Variants in RNASET2 observed in about 807,000 individuals in gnomAD.
The protein encoded by RNASET2 is ribonuclease T2, also known as ribonuclease 6.
RNASET2 carries 28 observed loss-of-function variants against 33.9 expected under a neutral mutation model. The observed-to-expected ratio is 0.83, with a 90% CI of 0.61 to 1.13. The LOEUF (loss-of-function observed/expected upper bound fraction) is 1.13. RNASET2 is among the 50% of genes most tolerant of loss of function. The pLI, the probability that RNASET2 is intolerant of heterozygous loss-of-function variation, is 0.00. For missense variants in RNASET2, 330 were observed against 319.9 expected (o/e 1.03, Z -0.24); for synonymous variants, 123 against 121.0 (o/e 1.02, Z -0.11).
intron 2 of RNASET2, among the ~76,000 whole-genome samples, chr6:166,951,645 G>A (rs528509978): frequency 1.1e-3 from 162 of 152,310 alleles, no homozygotes; most frequent in Non-Finnish European, 1.7e-3. Flanking sequence ...TGTATGGCCT[G>A]GTTTTTCCTA....
chr6:166,929,911 G>A, intron 8 of RNASET2, 120 bp from the exon 9 acceptor site: 3 of 944,990 alleles, frequency 3.2e-6, no homozygotes, highest in Non-Finnish European at 5.0e-6. Context: ...CACACCACAG[G>A]TTCTAGGTTC....
chr6:166,955,949 C>A (rs933495617), intron 1 of RNASET2, 148 bp downstream of exon 1: 27 of 1,078,010 alleles, frequency 2.5e-5, no homozygotes, highest in Non-Finnish European at 3.4e-5. Context: ...CCAGGGGTCA[C>A]CCCGGAGCGT....
rs904654789 is a variant in RNASET2 at position 166,924,558 on chromosome 6, T to C, written c.*5030A>G. 6.6e-6 allele frequency among the ~76,000 whole-genome samples: 1 copy of C among 152,186 alleles called. No homozygotes were observed. The highest frequency in any genetic ancestry group is 6.5e-5 in the Admixed American group (1 of 15,286). ...GTGGCCATTAGGGCCCACAGATCCT[T>C]CCCTGCAGTTGCTGTCTCCCTTTCT... is the stretch of plus-strand genomic sequence containing the variant. On this transcript the variant is annotated 3_prime_UTR_variant, in exon 9 of 9. Coordinates refer to ENST00000508775, the MANE Select transcript of RNASET2 (RefSeq NM_003730.6).
At chr6:166,938,698 GTGA>G in intron 6 of RNASET2, 194 bp downstream of exon 6, 1 of 766,276 alleles carries the variant, frequency 1.3e-6, no homozygotes, top group Non-Finnish European at 2.4e-6. Flanking sequence ...CTGTGTGATC[GTGA>G]TGTAGAATGA....
chr6:166,936,377 C>T (rs1374118035), intron 6 of RNASET2, among the ~76,000 whole-genome samples: 2 of 148,708 alleles, frequency 1.3e-5, no homozygotes, highest in African/African-American at 5.1e-5. Context: ...GTGTGTGTCT[C>T]AGTCTGTCTA....
rs370517169 is a variant in RNASET2 at position 166,943,007 on chromosome 6, G to C, written c.332+12C>G. The C allele has an allele frequency of 6.2e-7, 1 of 1,611,134 alleles. No individual in the cohort carries two copies. The highest frequency in any genetic ancestry group is 8.5e-7 in the Non-Finnish European group (1 of 1,177,532). On this transcript the variant is annotated intron_variant, in intron 5 of 8. Transcript: ENST00000508775. ...ACAGTAATCAAGACAGCAATCAGAG[G>C]CTGGGACTTACCAGAAGCGGCTGCG...
At chr6:166,930,108 A>G (rs917517798) in intron 8 of RNASET2, among the ~76,000 whole-genome samples, 3 of 152,258 alleles carry the variant, frequency 2.0e-5, no homozygotes, top group African/African-American at 7.2e-5. Context: ...TAACAAAGTT[A>G]CACACAGATA....
chr6:166,956,183 G>A lies in RNASET2; in HGVS notation c.-1C>T, dbSNP rs1333136662. 8 of 1,547,530 alleles carry A rather than the reference G, an allele frequency of 5.2e-6. No individual in the cohort carries two copies. Among genetic ancestry groups the A allele is most frequent in the Non-Finnish European group, 6.1e-6 (7 of 1,145,552 alleles). On this transcript the variant is annotated 5_prime_UTR_variant, in exon 1 of 9. Transcript: ENST00000508775. The stretch of plus-strand genomic sequence containing the variant: ...CCCCGCGCAGGGCTGCAGGGCGCAT[G>A]GTGCCGACCTGCGGAGAGAACGCTG...
Position 166,946,686 on chromosome 6 carries a change from AT to A in RNASET2, c.256del (p.Ile86LeufsTer8). Reference protein sequence around the residue: ...NRSWPFNLEEIKDLLPEMRAY... With the variant: ...NRSWPFNLEEXKDLLPEMRAY... ...AATATAATTAAAAGTCAATACCTTA[AT>A]CTCTTCTAAATTGAAGGGCCACGAT... On this transcript the variant is annotated frameshift_variant, in exon 4 of 9. Transcript: ENST00000508775. LOFTEE classifies it high-confidence loss of function. The A allele has an allele frequency of 6.6e-7, 1 of 1,525,244 alleles. No individual in the cohort carries two copies. The highest frequency in any genetic ancestry group is 9.0e-7 in the Non-Finnish European group (1 of 1,110,432). 94.5% of individuals were successfully genotyped at this position (1,525,244 alleles called of 1,614,324 possible). A position where few individuals can be genotyped will look rare whatever the true frequency, so the allele number is the denominator to read the frequency against.
rs1778253477 is a variant in RNASET2 at position 166,922,848 on chromosome 6, G to C, written c.*6740C>G. ...GGTCATCAAGACAGAAGAGCAGATG[G>C]TGACAGGTACCAACCACCAAAGCTG... On this transcript the variant is annotated 3_prime_UTR_variant, in exon 9 of 9. Coordinates refer to ENST00000508775, the MANE Select transcript of RNASET2 (RefSeq NM_003730.6). Among the ~76,000 whole-genome samples, 1 of 152,144 alleles carries C rather than the reference G, an allele frequency of 6.6e-6. No individual in the cohort carries two copies. Among genetic ancestry groups the C allele is most frequent in the Admixed American group, 6.5e-5 (1 of 15,272 alleles).
At chr6:166,955,407 A>T in intron 1 of RNASET2, 1 of 665,346 alleles carries the variant, frequency 1.5e-6, no homozygotes. Flanking sequence ...GCACACACAC[A>T]CGCGCACACA....
At chr6:166,937,264 G>A (rs1204567730) in intron 6 of RNASET2, among the ~76,000 whole-genome samples, 2 of 152,118 alleles carry the variant, frequency 1.3e-5, no homozygotes, top group African/African-American at 4.8e-5. Context: ...AGCCTCCCGA[G>A]TAGCTGGAAT....
rs1303590955 is a variant in RNASET2, at chr6:166,933,176, T to C, written c.492+915A>G. 6.6e-6 allele frequency: 1 copy of C among 152,334 alleles called. No homozygotes were observed. The highest frequency in any genetic ancestry group is 2.4e-5 in the African/African-American group (1 of 41,578). The allele number at this position is 152,334 out of a possible 1,614,324, so 9.4% of individuals were successfully genotyped here. On this transcript the variant is annotated intron_variant, in intron 7 of 8. Transcript: ENST00000508775. The surrounding 1 kb of genome is among the most constrained non-coding windows in gnomAD (Gnocchi z 4.1). ...AAACTATCTCAAAGAATCTGATACC[T>C]TTCTCTAAGGCAAGAGTCTGCAAAC...
chr6:166,929,236 C>T lies in RNASET2; in HGVS notation c.*352G>A, dbSNP rs1778360850. 1.3e-5 allele frequency among the ~76,000 whole-genome samples: 2 copies of T among 152,226 alleles called. No homozygotes were observed. The highest frequency in any genetic ancestry group is 4.8e-5 in the African/African-American group (2 of 41,448). On this transcript the variant is annotated 3_prime_UTR_variant, in exon 9 of 9. Transcript: ENST00000508775. ...CAGGGTCCCTGCGCCAAGAAGGCAA[C>T]AGGCTCCGAGGGGAAAACTCGAGCA...
At chr6:166,941,901 C>T (rs989430618) in intron 5 of RNASET2, among the ~76,000 whole-genome samples, 12 of 152,144 alleles carry the variant, frequency 7.9e-5, no homozygotes, top group African/African-American at 2.7e-4. Context: ...ATTTTAAAAG[C>T]TATCTTGAAT....
intron 8 of RNASET2, among the ~76,000 whole-genome samples, chr6:166,930,579 G>GCA (rs199824887): frequency 6.2e-5 from 9 of 145,454 alleles, no homozygotes; most frequent in Admixed American, 2.0e-4. Flanking sequence ...GCACACACAT[G>GCA]CACACACACA....
At chr6:166,948,924 G>T (rs1778912267) in intron 2 of RNASET2, among the ~76,000 whole-genome samples, 1 of 152,072 alleles carries the variant, frequency 6.6e-6, no homozygotes, top group Admixed American at 6.6e-5. Context: ...AGAAACAGGT[G>T]TTTTTATGGG....
At chr6:166,930,924 C>A in intron 8 of RNASET2, 120 bp downstream of exon 8, 1 of 792,896 alleles carries the variant, frequency 1.3e-6, no homozygotes, top group South Asian at 1.4e-5. Context: ...CCCACATATA[C>A]AGACACAAAT....
intron 1 of RNASET2, among the ~76,000 whole-genome samples, chr6:166,955,187 A>ACACG (rs1344232967): frequency 5.5e-5 from 5 of 90,342 alleles, no homozygotes; most frequent in African/African-American, 2.2e-4. Context: ...ACACACACAC[A>ACACG]CGCACACACG....
Sources: allele counts gnomAD v4.1 joint callset (sites outside exome capture counted in the v4.1 genomes callset), GRCh38; gene constraint gnomAD v4.1.1; non-coding constraint Gnocchi (gnomAD v3.1); transcripts MANE v1.5; gene names NCBI Gene and HGNC (gene_info 2026-07-23, HGNC 2026-07-21).